The following KCNJ3 variants were observed in gnomAD, a reference collection of about 807,000 sequenced individuals.
KCNJ3 encodes potassium inwardly rectifying channel subfamily J member 3, also known as G protein-activated inward rectifier potassium channel 1.
In KCNJ3, 4 loss-of-function variants were observed where a neutral mutation model predicts 39.2. The ratio of observed to expected loss-of-function variants is 0.10; its 90% CI spans 0.05 to 0.23. KCNJ3 has a LOEUF of 0.23. Among genes scored for constraint, KCNJ3 ranks in the 10% least tolerant of loss-of-function variants. The pLI is 1.00. For missense variants in KCNJ3, 276 were observed against 634.9 expected (o/e 0.43, Z 6.08); for synonymous variants, 230 against 237.4 (o/e 0.97, Z 0.29).
rs150447544 is a variant in KCNJ3 at position 154,838,361 on chromosome 2, G to C, written c.920-16366G>C. 2.8e-3 allele frequency among the ~76,000 whole-genome samples: 428 copies of C among 152,286 alleles called. 4 individuals are homozygous for C. The highest frequency in any genetic ancestry group is 0.01 in the African/African-American group (421 of 41,558). ...TGAAAAAGGCTGGCTCTAAAATTGA[G>C]GACCTGAGTGTGTATTTTGACTACA... On this transcript the variant is annotated intron_variant, in intron 2 of 2. Transcript: ENST00000295101.
intron 2 of KCNJ3, among the ~76,000 whole-genome samples, chr2:154,829,326 T>C (rs1053774728): frequency 6.6e-6 from 1 of 152,136 alleles, no homozygotes; most frequent in African/African-American, 2.4e-5. Context: ...TTTCCTTCTT[T>C]ATTTTCATAT....
intron 2 of KCNJ3, among the ~76,000 whole-genome samples, chr2:154,832,875 T>C (rs1429146061): frequency 6.6e-6 from 1 of 152,174 alleles, no homozygotes; most frequent in Non-Finnish European, 1.5e-5. Context: ...TGTGGAGATA[T>C]GGAATAGGTA....
chr2:154,754,169 T>C (rs1685898223), intron 2 of KCNJ3, among the ~76,000 whole-genome samples: 2 of 152,262 alleles, frequency 1.3e-5, no homozygotes, highest in Admixed American at 6.5e-5. Context: ...TATTTCTCAA[T>C]CTATTGAATG....
At chr2:154,702,033 C>G (rs1430734254) in intron 1 of KCNJ3, among the ~76,000 whole-genome samples, 1 of 151,928 alleles carries the variant, frequency 6.6e-6, no homozygotes, top group Non-Finnish European at 1.5e-5. Flanking sequence ...ATAAGTTGCT[C>G]TCATTTTCTC....
At chr2:154,799,612 C>A (rs1459574212) in intron 2 of KCNJ3, among the ~76,000 whole-genome samples, 2 of 152,244 alleles carry the variant, frequency 1.3e-5, no homozygotes, top group East Asian at 3.9e-4. Flanking sequence ...CAATCTATAG[C>A]CACTATCTCC....
chr2:154,842,409 ATAT>A (rs1251673745), intron 2 of KCNJ3, among the ~76,000 whole-genome samples: 1 of 152,146 alleles, frequency 6.6e-6, no homozygotes, highest in African/African-American at 2.4e-5. Flanking sequence ...AGAAGAATGT[ATAT>A]TCTGTTTATT....
intron 2 of KCNJ3, among the ~76,000 whole-genome samples, chr2:154,757,557 G>GA (rs1685963079): frequency 6.6e-6 from 1 of 152,002 alleles, no homozygotes; most frequent in Middle Eastern, 3.4e-3. Context: ...GTAAGAATTA[G>GA]AAAAAAGGAT....
Position 154,855,076 on chromosome 2 carries a change from T to G in KCNJ3, c.1269T>G (p.Thr423=), listed in dbSNP as rs1296644232. ...AACTCTTGAGGATGAGTTCTACAAC[T>G]TCAGAAAAAGCCTACAGCTTGGGAG... ...PKKLLRMSST[T]SEKAYSLGDL... The change falls in exon 3 of 3, where the codon ACT becomes ACG. Residue 423 remains threonine, a synonymous_variant. Transcript: ENST00000295101. 6.2e-7 allele frequency: 1 copy of G among 1,614,040 alleles called. No homozygotes were observed. Among genetic ancestry groups the G allele is most frequent in the South Asian group, 1.1e-5 (1 of 91,082 alleles).
chr2:154,823,907 A>T (rs1474486479), intron 2 of KCNJ3, among the ~76,000 whole-genome samples: 1 of 152,222 alleles, frequency 6.6e-6, no homozygotes, highest in East Asian at 1.9e-4. Context: ...AGTACTCATC[A>T]TATAATTGTT....
At chr2:154,775,711 T>C (rs1574457988) in intron 2 of KCNJ3, among the ~76,000 whole-genome samples, 1 of 152,180 alleles carries the variant, frequency 6.6e-6, no homozygotes, top group South Asian at 2.1e-4. Context: ...GGAAATTCAG[T>C]ATATGTCCTT....
intron 2 of KCNJ3, among the ~76,000 whole-genome samples, chr2:154,777,042 G>A (rs72875783): frequency 3.3e-4 from 50 of 150,234 alleles, no homozygotes; most frequent in Middle Eastern, 3.4e-3. Flanking sequence ...ACGTACACAC[G>A]CACACACACA....
intron 2 of KCNJ3, among the ~76,000 whole-genome samples, chr2:154,785,230 A>G (rs1477766476): frequency 6.6e-6 from 1 of 152,212 alleles, no homozygotes; most frequent in East Asian, 1.9e-4. Flanking sequence ...ACGAAATTCC[A>G]CAGATTGGAT....
chr2:154,821,124 G>A (rs977179379), intron 2 of KCNJ3, among the ~76,000 whole-genome samples: 6 of 152,046 alleles, frequency 3.9e-5, no homozygotes, highest in Non-Finnish European at 7.4e-5. Flanking sequence ...AGTCAAGCTG[G>A]CCCTCATGCC....
intron 2 of KCNJ3, among the ~76,000 whole-genome samples, chr2:154,718,845 TG>T (rs1379724135): frequency 6.6e-6 from 1 of 152,050 alleles, no homozygotes; most frequent in Admixed American, 6.6e-5. Context: ...TAATGTGAAG[TG>T]GGTTGAAATA....
chr2:154,854,721 T>C lies in KCNJ3; in HGVS notation c.920-6T>C. On this transcript the variant is annotated splice_region_variant and splice_polypyrimidine_tract_variant and intron_variant, in intron 2 of 2. Coordinates refer to ENST00000295101, the MANE Select transcript of KCNJ3 (RefSeq NM_002239.4). ...AATTTATCAAGAATTTTCTCTTTTC[T>C]TGTAGGGATGACTTGTCAAGCTCGA... 1 of 1,595,762 alleles carries C rather than the reference T, an allele frequency of 6.3e-7. No individual in the cohort carries two copies. Among genetic ancestry groups the C allele is most frequent in the East Asian group, 2.2e-5 (1 of 44,514 alleles).
chr2:154,810,069 CTCTT>C (rs1331381953), intron 2 of KCNJ3, among the ~76,000 whole-genome samples: 3 of 152,064 alleles, frequency 2.0e-5, no homozygotes, highest in Admixed American at 6.6e-5. Flanking sequence ...GTTCCTCTCT[CTCTT>C]TCTCTCTCTC....
intron 1 of KCNJ3, among the ~76,000 whole-genome samples, chr2:154,703,260 C>G (rs892891386): frequency 6.6e-6 from 1 of 151,986 alleles, no homozygotes; most frequent in African/African-American, 2.4e-5. Flanking sequence ...TGGTTGCATT[C>G]ATATTTTGAA....
intron 2 of KCNJ3, among the ~76,000 whole-genome samples, chr2:154,725,105 C>T (rs1369664750): frequency 6.6e-6 from 1 of 151,072 alleles, no homozygotes; most frequent in African/African-American, 2.4e-5. Context: ...GAAATATAAC[C>T]TTATTGGTAT....
chr2:154,734,933 CAG>C lies in KCNJ3; in HGVS notation c.919+25118_919+25119del, dbSNP rs1685501598. Among the ~76,000 whole-genome samples, 5 of 152,244 alleles carry C rather than the reference CAG, an allele frequency of 3.3e-5. 1 individual carries two copies. The highest frequency in any genetic ancestry group is 3.3e-4 in the Admixed American group (5 of 15,308). Reference sequence around the variant, plus strand: ...ACAGAATGAATTGAACGGCAGAAAACAGAGAAAAAGGGAGACATTTTTTCCTC... The same window carrying C: ...ACAGAATGAATTGAACGGCAGAAAACAGAAAAAGGGAGACATTTTTTCCTC... On this transcript the variant is annotated intron_variant, in intron 2 of 2. Transcript: ENST00000295101.
Sources: allele counts gnomAD v4.1 joint callset (sites outside exome capture counted in the v4.1 genomes callset), GRCh38; gene constraint gnomAD v4.1.1; transcripts MANE v1.5; gene names NCBI Gene and HGNC (gene_info 2026-07-23, HGNC 2026-07-21).